EFCAB7: variants seen among roughly 807,000 people sequenced by gnomAD.
EFCAB7 encodes EF-hand calcium-binding domain-containing protein 7.
A neutral mutation model predicts 77.1 loss-of-function variants in EFCAB7; 66 were observed. The observed-to-expected ratio is 0.86, with a 90% CI of 0.70 to 1.05. The LOEUF (loss-of-function observed/expected upper bound fraction) is 1.05, where lower values mean the gene tolerates loss of function less well. EFCAB7 is among the 50% of genes least tolerant of loss of function. The pLI is 0.00. For synonymous variants in EFCAB7, 225 were observed against 243.3 expected, an observed-to-expected ratio of 0.92 and a Z score of 0.70; for missense variants, 638 against 730.5, an observed-to-expected ratio of 0.87 and a Z score of 1.46.
chr1:63,571,512 A>C (rs1312935560), intron 13 of EFCAB7, among the ~76,000 whole-genome samples: 2 of 151,954 alleles, frequency 1.3e-5, no homozygotes, highest in Non-Finnish European at 2.9e-5. Flanking sequence ...CATCTCTACA[A>C]AAATACAAAA....
intron 12 of EFCAB7, chr1:63,568,737 T>C (rs1647198690): frequency 7.3e-6 from 3 of 411,862 alleles, no homozygotes; most frequent in African/African-American, 2.1e-5. Flanking sequence ...TCTTAAAATA[T>C]TAGGAAAATT....
At chr1:63,583,083 A>G in the EFCAB7 span, among the ~76,000 whole-genome samples, 9 of 152,190 alleles carry the variant, frequency 5.9e-5, no homozygotes, top group Non-Finnish European at 1.2e-4. Flanking sequence ...ATTGAGGAGG[A>G]ATGATATCTG....
chr1:63,551,296 T>C (rs1022072062), intron 7 of EFCAB7, among the ~76,000 whole-genome samples: 1 of 152,182 alleles, frequency 6.6e-6, no homozygotes, highest in African/African-American at 2.4e-5. Flanking sequence ...TGTTTACACA[T>C]AAAAATGGAA....
Position 63,551,801 on chromosome 1 carries a change from G to T in EFCAB7, c.1023G>T (p.Gln341His). Residue 341 changes from glutamine (Q) to histidine (H), a missense_variant, in exon 8 of 14, where the codon CAG becomes CAT. Coordinates refer to ENST00000371088, the MANE Select transcript of EFCAB7 (RefSeq NM_032437.4). ...AAAATGAGAGTCAAGCAAATCTACA[G>T]CTTGTGTGTTTTACCGAACTACGAA... ...LKENESQANL[Q>H]LVCFTELRNR... The T allele has an allele frequency of 6.3e-7, 1 of 1,594,964 alleles. No individual in the cohort carries two copies. The highest frequency in any genetic ancestry group is 1.2e-5 in the South Asian group (1 of 86,504).
the EFCAB7 span, among the ~76,000 whole-genome samples, chr1:63,581,593 T>G: frequency 5.3e-5 from 8 of 152,332 alleles, no homozygotes; most frequent in African/African-American, 1.7e-4. Flanking sequence ...TGTTATTCTT[T>G]TTATATATTT....
chr1:63,540,239 C>T (rs940948334), intron 6 of EFCAB7, among the ~76,000 whole-genome samples: 4 of 151,776 alleles, frequency 2.6e-5, no homozygotes, highest in Non-Finnish European at 5.9e-5. Flanking sequence ...TGGCAGGCCC[C>T]TGTAATCCCA....
chr1:63,576,588 G>A (rs1647425370), downstream of EFCAB7, among the ~76,000 whole-genome samples: 1 of 151,884 alleles, frequency 6.6e-6, no homozygotes, highest in African/African-American at 2.4e-5. Flanking sequence ...GGGAGGCTGA[G>A]GTGGGTGGAT....
At chr1:63,551,957 G>A in intron 8 of EFCAB7, 123 bp downstream of exon 8, 1 of 356,788 alleles carries the variant, frequency 2.8e-6, no homozygotes, top group Non-Finnish European at 5.0e-6. Flanking sequence ...GGTATAAACA[G>A]CACTTAAACA....
intron 6 of EFCAB7, among the ~76,000 whole-genome samples, chr1:63,539,392 T>A (rs1402200552): frequency 6.6e-6 from 1 of 152,224 alleles, no homozygotes; most frequent in African/African-American, 2.4e-5. Flanking sequence ...TAATTAAGTT[T>A]ATCTTAACCC....
chr1:63,550,081 A>C (rs1646947499), intron 7 of EFCAB7: 1 of 152,260 alleles, frequency 6.6e-6, no homozygotes, highest in Admixed American at 6.5e-5. Flanking sequence ...AATTCTTCTG[A>C]CAAAAAATTT....
intron 10 of EFCAB7, among the ~76,000 whole-genome samples, chr1:63,561,035 G>A (rs1039942538): frequency 6.6e-6 from 1 of 152,168 alleles, no homozygotes. Context: ...TATTATCCAT[G>A]TTACAGACAA....
the EFCAB7 span, among the ~76,000 whole-genome samples, chr1:63,579,140 C>A: frequency 3.3e-5 from 5 of 152,016 alleles, no homozygotes; most frequent in Non-Finnish European, 5.9e-5. Context: ...ATTCATATAA[C>A]CACCACCACA....
At chr1:63,528,126 A>G (rs953046750) in intron 2 of EFCAB7, among the ~76,000 whole-genome samples, 1 of 152,214 alleles carries the variant, frequency 6.6e-6, no homozygotes, top group Non-Finnish European at 1.5e-5. Context: ...CTGCACTCCC[A>G]TGTTTACTGC....
rs761078564 is a variant in EFCAB7 at position 63,571,092 on chromosome 1, C to T, written c.1779C>T (p.Asn593=). The change falls in exon 13 of 14, where the codon AAC becomes AAT. Residue 593 remains asparagine, a synonymous_variant. Transcript: ENST00000371088. ...SKNCINNRGL[N]IFAVEVGPKS... Reference sequence around the variant, plus strand: ...ACTGCATAAACAACAGAGGACTCAACATATTTGCAGTAGAAGTGGGACCCA... The same window carrying T: ...ACTGCATAAACAACAGAGGACTCAATATATTTGCAGTAGAAGTGGGACCCA... 2 of 1,611,010 alleles carry T rather than the reference C, an allele frequency of 1.2e-6. No homozygotes were observed. Among genetic ancestry groups the T allele is most frequent in the African/African-American group, 1.3e-5 (1 of 74,792 alleles).
At chr1:63,538,234 C>G (rs1646785867) in intron 6 of EFCAB7, among the ~76,000 whole-genome samples, 1 of 152,080 alleles carries the variant, frequency 6.6e-6, no homozygotes, top group Non-Finnish European at 1.5e-5. Context: ...GAATTTCTTA[C>G]TCTTATTCTA....
chr1:63,532,610 C>G, intron 3 of EFCAB7, 60 bp from the exon 4 acceptor site: 1 of 1,326,474 alleles, frequency 7.5e-7, no homozygotes. Flanking sequence ...TCCACTGTCC[C>G]CATGAATAAC....
intron 2 of EFCAB7, among the ~76,000 whole-genome samples, chr1:63,531,424 A>G (rs1032877850): frequency 6.6e-6 from 1 of 152,060 alleles, no homozygotes; most frequent in African/African-American, 2.4e-5. Flanking sequence ...GTACTAATTT[A>G]TACTTTTTGT....
chr1:63,540,481 T>G (rs1445438094), intron 6 of EFCAB7, among the ~76,000 whole-genome samples: 1 of 152,122 alleles, frequency 6.6e-6, no homozygotes, highest in Non-Finnish European at 1.5e-5. Context: ...ACATTTTCTT[T>G]TAGAAACTTG....
chr1:63,557,489 TCTCTA>T (rs1170890738), intron 10 of EFCAB7, among the ~76,000 whole-genome samples: 1 of 152,176 alleles, frequency 6.6e-6, no homozygotes, highest in Admixed American at 6.5e-5. Context: ...TAGTTTTGAT[TCTCTA>T]CTCTTCGGGG....
Sources: allele counts gnomAD v4.1 joint callset (sites outside exome capture counted in the v4.1 genomes callset), GRCh38; gene constraint gnomAD v4.1.1; transcripts MANE v1.5; gene names NCBI Gene and HGNC (gene_info 2026-07-23, HGNC 2026-07-21).